Variants in CHRNB4 observed in about 807,000 individuals in gnomAD.
CHRNB4 encodes the protein neuronal acetylcholine receptor subunit beta-4.
In CHRNB4, 23 loss-of-function variants were observed where a neutral mutation model predicts 40.4. The ratio of observed to expected loss-of-function variants is 0.57; its 90% CI spans 0.41 to 0.81. The LOEUF is 0.81. Among genes scored for constraint, CHRNB4 ranks in the 30% least tolerant of loss-of-function variants. The pLI is 0.00. For missense variants in CHRNB4, 568 were observed against 670.6 expected (o/e 0.85, Z 1.69); for synonymous variants, 285 against 274.4 (o/e 1.04, Z -0.38).
Position 78,635,426 on chromosome 15 carries a change from C to T in CHRNB4, c.204+13G>A, listed in dbSNP as rs1368620712. 2 of 1,612,984 alleles carry T rather than the reference C, an allele frequency of 1.2e-6. No individual in the cohort carries two copies. Among genetic ancestry groups the T allele is most frequent in the Non-Finnish European group, 1.7e-6 (2 of 1,179,772 alleles). ...CCACCTGAGCCTGAGCCACAGCTGC[C>T]CTCTGCACCTACCACGCTGATAAGC... is the stretch of plus-strand genomic sequence containing the variant. On this transcript the variant is annotated intron_variant, in intron 2 of 5. Transcript: ENST00000261751.
chr15:78,639,124 A>T (rs905595242), intron 1 of CHRNB4, among the ~76,000 whole-genome samples: 1 of 152,234 alleles, frequency 6.6e-6, no homozygotes. Context: ...TTTGTATTGA[A>T]AAAATGGAAA....
intron 5 of CHRNB4, among the ~76,000 whole-genome samples, chr15:78,653,964 C>G (rs2054192852): frequency 6.6e-6 from 1 of 152,178 alleles, no homozygotes; most frequent in Non-Finnish European, 1.5e-5. Flanking sequence ...TTGCAATGGG[C>G]TCCAGGATGA....
chr15:78,652,147 GCAGGA>G (rs1343438484), intron 6 of CHRNB4, among the ~76,000 whole-genome samples: 13 of 152,208 alleles, frequency 8.5e-5, no homozygotes, highest in Non-Finnish European at 1.9e-4. Flanking sequence ...CACAGCTGCA[GCAGGA>G]GGTGGAGCAG....
At chr15:78,632,503 G>T (rs1369903650) in intron 2 of CHRNB4, among the ~76,000 whole-genome samples, 1 of 151,964 alleles carries the variant, frequency 6.6e-6, no homozygotes, top group Non-Finnish European at 1.5e-5. Context: ...TGGAGATGGG[G>T]ATTCATCATG....
intron 1 of CHRNB4, 49 bp downstream of exon 1, chr15:78,641,030 T>C (rs1243404657): frequency 6.7e-7 from 1 of 1,483,042 alleles, no homozygotes; most frequent in Non-Finnish European, 9.1e-7. Context: ...GTCCAGCCCC[T>C]TTCAGCCCAA....
chr15:78,649,867 T>A (rs2054156975), intron 6 of CHRNB4, among the ~76,000 whole-genome samples: 1 of 152,172 alleles, frequency 6.6e-6, no homozygotes, highest in Admixed American at 6.5e-5. Flanking sequence ...TTTGCTTTAG[T>A]TCATAAAATG....
intron 5 of CHRNB4, chr15:78,626,384 G>GTGTGTGTGTGTGTGTGTGTGTGTGTT (rs35851650): frequency 5.4e-4 from 47 of 86,974 alleles, no homozygotes; most frequent in African/African-American, 1.8e-3. Context: ...GTGTGTGTGT[G>GTGTGTGTGTGTGTGTGTGTGTGTGTT]TTTCCCCCTT....
At chr15:78,635,932 G>A (rs867412281) in intron 1 of CHRNB4, among the ~76,000 whole-genome samples, 14 of 152,160 alleles carry the variant, frequency 9.2e-5, no homozygotes, top group South Asian at 2.1e-4. Flanking sequence ...GTATGAGACA[G>A]AGTCTCACTC....
chr15:78,643,185 C>T (rs1417093298), upstream of CHRNB4, among the ~76,000 whole-genome samples: 1 of 152,106 alleles, frequency 6.6e-6, no homozygotes. Context: ...AACAATGCAT[C>T]ATGATGAATT....
chr15:78,650,043 CAGG>C (rs74462572), intron 6 of CHRNB4, among the ~76,000 whole-genome samples: 52,561 of 151,770 alleles, frequency 0.35, 9,104 homozygotes, highest in Non-Finnish European at 0.37. Flanking sequence ...TGAGTGTGCC[CAGG>C]AGGAGGATGG....
chr15:78,636,610 T>TC (rs2053956022), intron 1 of CHRNB4, among the ~76,000 whole-genome samples: 1 of 151,102 alleles, frequency 6.6e-6, no homozygotes, highest in Non-Finnish European at 1.5e-5. Flanking sequence ...TCCTGTTTTT[T>TC]CCTTTTTTTT....
At chr15:78,640,980 C>T (rs1213077721) in intron 1 of CHRNB4, 99 bp downstream of exon 1, 4 of 1,350,168 alleles carry the variant, frequency 3.0e-6, no homozygotes, top group Non-Finnish European at 4.1e-6. Context: ...GCCACTCCCC[C>T]GGGCGCAGGG....
intron 5 of CHRNB4, chr15:78,626,344 GTGTGTGT>G (rs2053655369): frequency 7.5e-4 from 8 of 10,632 alleles, no homozygotes; most frequent in East Asian, 0.013. Flanking sequence ...AAGCGGGGGT[GTGTGTGT>G]GTGTGTGTGT....
Position 78,624,840 on chromosome 15 carries a change from G to T in CHRNB4, c.*293C>A. The T allele has an allele frequency of 1.1e-6, 1 of 879,654 alleles. No individual in the cohort carries two copies. The highest frequency in any genetic ancestry group is 1.7e-6 in the Non-Finnish European group (1 of 600,480). 54.5% of individuals were successfully genotyped at this position (879,654 alleles called of 1,614,324 possible). On this transcript the variant is annotated 3_prime_UTR_variant, in exon 6 of 6. Coordinates refer to ENST00000261751, the MANE Select transcript of CHRNB4 (RefSeq NM_000750.5). The stretch of plus-strand genomic sequence containing the variant: ...GCACCATGCCTGAAGCATAGTAGGT[G>T]CTGCTACGAAGTCATCTTTATCCCC...
intron 7 of CHRNB4, among the ~76,000 whole-genome samples, chr15:78,648,380 G>A (rs533741472): frequency 3.5e-5 from 5 of 144,254 alleles, no homozygotes; most frequent in Admixed American, 6.9e-5. Context: ...GCGACAGAGC[G>A]AGACTTGCCT....
At chr15:78,627,087 G>C (rs1171601355) in intron 5 of CHRNB4, 2 of 152,258 alleles carry the variant, frequency 1.3e-5, no homozygotes, top group African/African-American at 4.8e-5. Context: ...TGGTCCCACA[G>C]TGTTGCCCAC....
At position 78,629,016 on chromosome 15, in the gene CHRNB4, C is replaced by A; in HGVS notation, c.1289G>T (p.Gly430Val). The change falls in exon 5 of 6, where the codon GGT becomes GTT. Residue 430 changes from glycine to valine, a missense_variant. By Grantham distance (109) the Gly-to-Val change is moderately radical. This residue lies in a region of CHRNB4 where 242 missense variants were observed against 274.9 expected (regional missense o/e 0.88). Transcript: ENST00000261751. This position sits in a 1 kb window ranked among gnomAD's most constrained non-coding sequence, Gnocchi z 6.8. ...FRQDVQEALE[G>V]VSFIAQHMKN... is the part of the protein sequence containing the mutation. ...CATGTGCTGGGCGATGAAGCTGACA[C>A]CTTCTAATGCCTCCTGCACATCCTG... is the stretch of plus-strand genomic sequence containing the variant. 6.2e-7 allele frequency: 1 copy of A among 1,614,150 alleles called. No homozygotes were observed. The highest frequency in any genetic ancestry group is 8.5e-7 in the Non-Finnish European group (1 of 1,180,034).
At chr15:78,631,750 C>T (rs1242065079) in intron 2 of CHRNB4, among the ~76,000 whole-genome samples, 1 of 152,218 alleles carries the variant, frequency 6.6e-6, no homozygotes, top group Non-Finnish European at 1.5e-5. Context: ...CCTGCTCTGT[C>T]CTGGCCTGCC....
chr15:78,628,965 A>G lies in CHRNB4; in HGVS notation c.1338+2T>C. On this transcript the variant is annotated splice_donor_variant, in intron 5 of 5. Coordinates refer to ENST00000261751, the MANE Select transcript of CHRNB4 (RefSeq NM_000750.5). LOFTEE classifies it high-confidence loss of function. ...GTGGGCAGGGGCTGGTTAGCAACTT[A>G]CACTCTGGTCTTCATCGTCATTCTT... 1 of 1,608,488 alleles carries G rather than the reference A, an allele frequency of 6.2e-7. No homozygotes were observed. The highest frequency in any genetic ancestry group is 8.5e-7 in the Non-Finnish European group (1 of 1,175,700).
Sources: gnomAD v4.1 joint callset for allele counts (sites outside exome capture counted in the v4.1 genomes callset) on GRCh38, gnomAD v4.1.1 for gene constraint, gnomAD v4.1.1 regional missense constraint, Gnocchi (gnomAD v3.1) non-coding constraint, MANE v1.5 for transcripts, NCBI Gene and HGNC (gene_info 2026-07-23, HGNC 2026-07-21) for gene names.